B4GALT1: variants seen among roughly 807,000 people sequenced by gnomAD.
The protein encoded by B4GALT1 is N-acetyllactosamine synthase.
In B4GALT1, 16 loss-of-function variants were observed where a neutral mutation model predicts 34.9. That is an observed-to-expected ratio of 0.46 (90% confidence interval 0.31 to 0.70). B4GALT1 has a LOEUF of 0.70. B4GALT1 is among the 30% of genes least tolerant of loss of function. The pLI, the probability that B4GALT1 is intolerant of heterozygous loss-of-function variation, is 0.05. For missense variants in B4GALT1, 445 were observed against 530.5 expected, an observed-to-expected ratio of 0.84 and a Z score of 1.58; for synonymous variants, 221 against 218.1, an observed-to-expected ratio of 1.01 and a Z score of -0.12.
chr9:33,136,611 C>T (rs923963012), intron 1 of B4GALT1, among the ~76,000 whole-genome samples: 5 of 152,182 alleles, frequency 3.3e-5, no homozygotes, highest in African/African-American at 9.7e-5. Flanking sequence ...GTTGTGCAGT[C>T]GAAAAACCCC....
rs913214 is a variant in B4GALT1, at chr9:33,135,087, G to A, written c.648+102C>T. ...TGGTTCCTCGCTGTAAGTGCCAGGT[G>A]TCTGTGAAATCACTCCCCTTCCCCT... On this transcript the variant is annotated intron_variant, in intron 2 of 5. Transcript: ENST00000379731. 398,363 of 1,205,638 alleles carry A rather than the reference G, an allele frequency of 0.33. 68,950 individuals carry two copies. The highest frequency in any genetic ancestry group is 0.58 in the East Asian group (22,869 of 39,754). The allele number at this position is 1,205,638 out of a possible 1,614,324, so 74.7% of individuals were successfully genotyped here.
At chr9:33,150,233 TACAC>T (rs10701535) in intron 1 of B4GALT1, among the ~76,000 whole-genome samples, 19,583 of 138,052 alleles carry the variant, frequency 0.14, 1,426 homozygotes, top group Non-Finnish European at 0.17. Context: ...TACAGGTAGA[TACAC>T]ACACACACAC....
At chr9:33,177,900 C>A in the B4GALT1 span, among the ~76,000 whole-genome samples, 1 of 152,104 alleles carries the variant, frequency 6.6e-6, no homozygotes, top group Non-Finnish European at 1.5e-5. Context: ...CCAGGTGGGC[C>A]CCCACAGAGT....
the B4GALT1 span, among the ~76,000 whole-genome samples, chr9:33,181,619 C>T: frequency 6.6e-6 from 1 of 152,136 alleles, no homozygotes; most frequent in African/African-American, 2.4e-5. Context: ...GTCGCTATGG[C>T]CTGGGTGACT....
intron 2 of B4GALT1, among the ~76,000 whole-genome samples, chr9:33,125,904 A>G (rs1340603144): frequency 1.3e-5 from 2 of 152,150 alleles, no homozygotes; most frequent in African/African-American, 2.4e-5. Flanking sequence ...CTTATCCATA[A>G]TGGCTTAGGG....
At chr9:33,158,746 C>G (rs763137717) in intron 1 of B4GALT1, among the ~76,000 whole-genome samples, 2 of 152,254 alleles carry the variant, frequency 1.3e-5, no homozygotes, top group Non-Finnish European at 2.9e-5. Context: ...TCAGTACCCT[C>G]AAAGCACCCA....
intron 1 of B4GALT1, among the ~76,000 whole-genome samples, chr9:33,147,176 A>G (rs1840439175): frequency 6.6e-6 from 1 of 152,050 alleles, no homozygotes; most frequent in African/African-American, 2.4e-5. Flanking sequence ...GGCCTATGAC[A>G]TACATTTGCT....
chr9:33,107,532 T>G (rs1269346318), downstream of B4GALT1, among the ~76,000 whole-genome samples: 1 of 151,898 alleles, frequency 6.6e-6, no homozygotes, highest in African/African-American at 2.4e-5. Context: ...CTTGGGCCCC[T>G]TGGCCCTGCC....
At chr9:33,116,195 A>C in intron 3 of B4GALT1, 82 bp from the exon 4 acceptor site, 1 of 1,500,070 alleles carries the variant, frequency 6.7e-7, no homozygotes, top group Non-Finnish European at 9.1e-7. Flanking sequence ...TGAGAACATA[A>C]ACACTTTTAA....
the B4GALT1 span, among the ~76,000 whole-genome samples, chr9:33,180,606 T>C: frequency 1.3e-5 from 2 of 152,190 alleles, no homozygotes; most frequent in African/African-American, 4.8e-5. Context: ...TTAACACCAC[T>C]GCTACAGGAC....
At chr9:33,118,959 T>A (rs189282936) in intron 3 of B4GALT1, among the ~76,000 whole-genome samples, 13 of 152,250 alleles carry the variant, frequency 8.5e-5, no homozygotes, top group Non-Finnish European at 1.8e-4. Context: ...CCTCCCGGGT[T>A]CAAGCAATTC....
chr9:33,141,358 T>C (rs1357991169), intron 1 of B4GALT1, among the ~76,000 whole-genome samples: 2 of 151,874 alleles, frequency 1.3e-5, no homozygotes, highest in Non-Finnish European at 2.9e-5. Context: ...CCCATCTCTA[T>C]TAAAAATACA....
the B4GALT1 span, among the ~76,000 whole-genome samples, chr9:33,181,860 C>T: frequency 6.6e-6 from 1 of 152,138 alleles, no homozygotes; most frequent in African/African-American, 2.4e-5. Flanking sequence ...GACTTGGTGG[C>T]TTCAAACAAC....
intron 2 of B4GALT1, among the ~76,000 whole-genome samples, chr9:33,105,129 A>G (rs1283428601): frequency 1.3e-5 from 2 of 151,658 alleles, no homozygotes; most frequent in African/African-American, 2.4e-5. Context: ...CGGCCTCCAC[A>G]TTTTAACCTT....
upstream of B4GALT1, among the ~76,000 whole-genome samples, chr9:33,169,833 AT>A (rs1840823843): frequency 6.7e-6 from 1 of 149,956 alleles, no homozygotes; most frequent in Non-Finnish European, 1.5e-5. Context: ...AACCTGCTTG[AT>A]TTTTTTCAGA....
intron 1 of B4GALT1, among the ~76,000 whole-genome samples, chr9:33,150,198 A>G (rs1335397780): frequency 2.0e-5 from 3 of 151,302 alleles, no homozygotes; most frequent in Non-Finnish European, 4.4e-5. Context: ...ACATCTATCT[A>G]AAATTATATT....
chr9:33,151,239 T>G (rs1277201861), intron 1 of B4GALT1, among the ~76,000 whole-genome samples: 1 of 152,224 alleles, frequency 6.6e-6, no homozygotes, highest in Non-Finnish European at 1.5e-5. Flanking sequence ...GCCAGAGATT[T>G]CTAAGCTACT....
chr9:33,176,467 G>A, the B4GALT1 span, among the ~76,000 whole-genome samples: 1 of 152,132 alleles, frequency 6.6e-6, no homozygotes, highest in Non-Finnish European at 1.5e-5. Flanking sequence ...TAGTCTACAT[G>A]AGAGGTTTAG....
At chr9:33,160,338 C>T (rs1308164903) in intron 1 of B4GALT1, among the ~76,000 whole-genome samples, 7 of 152,176 alleles carry the variant, frequency 4.6e-5, no homozygotes. Flanking sequence ...GCATATTCAG[C>T]TGACAGACTA....
Sources: gnomAD v4.1 joint callset for allele counts (sites outside exome capture counted in the v4.1 genomes callset) on GRCh38, gnomAD v4.1.1 for gene constraint, MANE v1.5 for transcripts, NCBI Gene and HGNC (gene_info 2026-07-23, HGNC 2026-07-21) for gene names.